Variants in BICD1 observed in about 807,000 individuals in gnomAD.
BICD1 encodes the protein BICD cargo adaptor 1.
A neutral mutation model predicts 92.5 loss-of-function variants in BICD1; 35 were observed. That is an observed-to-expected ratio of 0.38 (90% CI 0.29 to 0.50). The LOEUF is 0.50. BICD1 is among the 20% of genes least tolerant of loss of function. The pLI, the probability that BICD1 is intolerant of heterozygous loss-of-function variation, is 0.93. For missense variants in BICD1, 950 were observed against 1,189.8 expected (o/e 0.80, Z 2.97); for synonymous variants, 429 against 465.1 (o/e 0.92, Z 1.00).
intron 2 of BICD1, among the ~76,000 whole-genome samples, chr12:32,285,399 C>G (rs1037400881): frequency 2.6e-5 from 4 of 151,982 alleles, no homozygotes; most frequent in African/African-American, 9.7e-5. Context: ...ACCCACCTAA[C>G]CAAGCTATTA....
At chr12:32,114,181 A>G (rs959201574) in intron 1 of BICD1, among the ~76,000 whole-genome samples, 1 of 151,660 alleles carries the variant, frequency 6.6e-6, no homozygotes, top group African/African-American at 2.4e-5. Flanking sequence ...TAATTTTTGT[A>G]CTTTTAGTAG....
chr12:32,344,695 T>C (rs1938504433), intron 8 of BICD1, among the ~76,000 whole-genome samples: 1 of 152,244 alleles, frequency 6.6e-6, no homozygotes, highest in African/African-American at 2.4e-5. Flanking sequence ...ATGTTCTGTA[T>C]GTGGAAGGAG....
chr12:32,176,849 G>A (rs1944103213), intron 1 of BICD1, among the ~76,000 whole-genome samples: 1 of 152,016 alleles, frequency 6.6e-6, no homozygotes, highest in African/African-American at 2.4e-5. Context: ...TTCATTTGTA[G>A]TTATTAGGAA....
chr12:32,216,441 C>A lies in BICD1; in HGVS notation c.408C>A (p.Val136=). ...VQAENERLTA[V]VQDLKENNEM... ...CAGAAAACGAGAGGCTCACCGCAGT[C>A]GTGCAGGATCTGAAGGAGGTAAATA... is the stretch of plus-strand genomic sequence containing the variant. The change falls in exon 2 of 10, where the codon GTC becomes GTA. Residue 136 remains valine, a synonymous_variant. Coordinates refer to ENST00000652176, the MANE Select transcript of BICD1 (RefSeq NM_001714.4). The A allele has an allele frequency of 6.2e-7, 1 of 1,614,008 alleles. No homozygotes were observed. The highest frequency in any genetic ancestry group is 1.1e-5 in the South Asian group (1 of 91,020).
chr12:32,254,592 C>T lies in BICD1; in HGVS notation c.426+38133C>T, dbSNP rs535700508. On this transcript the variant is annotated intron_variant, in intron 2 of 9. Transcript: ENST00000652176. ...CCTGACCTTCCCCAAGATCTTTCCT[C>T]CTCTGTTCAGCATGCTGTGTCAAGA... Among the ~76,000 whole-genome samples, 128 of 152,344 alleles carry T rather than the reference C, an allele frequency of 8.4e-4. 1 individual carries two copies. The Middle Eastern group carries it at 0.014, about 16-fold the overall frequency.
rs973557273 is a variant in BICD1 at position 32,381,787 on chromosome 12, T to C, written c.*4160T>C. On this transcript the variant is annotated 3_prime_UTR_variant, in exon 10 of 10. Coordinates refer to ENST00000652176, the MANE Select transcript of BICD1 (RefSeq NM_001714.4). ...TAGGACTAAATTTGAAAGAAACTTATGGGATAAAGTTCACAATTTTAAAAA... is the reference window on the plus strand; with the variant it reads ...TAGGACTAAATTTGAAAGAAACTTACGGGATAAAGTTCACAATTTTAAAAA... 2 of 152,126 alleles carry C rather than the reference T, an allele frequency of 1.3e-5. No individual in the cohort carries two copies. The highest frequency in any genetic ancestry group is 2.9e-5 in the Non-Finnish European group (2 of 67,962). 9.4% of individuals were successfully genotyped at this position (152,126 alleles called of 1,614,324 possible). A position where few individuals can be genotyped will look rare whatever the true frequency, so the allele number is the denominator to read the frequency against.
chr12:32,123,365 A>T (rs1019106705), intron 1 of BICD1, among the ~76,000 whole-genome samples: 1 of 152,202 alleles, frequency 6.6e-6, no homozygotes, highest in Non-Finnish European at 1.5e-5. Flanking sequence ...TTTGAGCAGA[A>T]AAGTCACAAT....
At chr12:32,219,568 C>T (rs1234317522) in intron 2 of BICD1, among the ~76,000 whole-genome samples, 5 of 152,064 alleles carry the variant, frequency 3.3e-5, no homozygotes, top group Non-Finnish European at 4.4e-5. Flanking sequence ...CGATATGACT[C>T]ATTATGTAGA....
chr12:32,370,857 G>A (rs1939711552), intron 9 of BICD1, among the ~76,000 whole-genome samples: 1 of 152,124 alleles, frequency 6.6e-6, no homozygotes. Flanking sequence ...GCTGAAGAAA[G>A]CGTGGAGCGG....
chr12:32,256,753 T>C (rs1327482651), intron 2 of BICD1, among the ~76,000 whole-genome samples: 1 of 152,182 alleles, frequency 6.6e-6, no homozygotes, highest in Non-Finnish European at 1.5e-5. Flanking sequence ...CTTTGTTTTT[T>C]ATCTGTAAAA....
intron 4 of BICD1, among the ~76,000 whole-genome samples, chr12:32,321,004 G>A (rs1162628863): frequency 6.6e-6 from 1 of 152,122 alleles, no homozygotes; most frequent in African/African-American, 2.4e-5. Flanking sequence ...AAAGTGCTTT[G>A]CATGTTATTC....
rs75259793 is a variant in BICD1, at chr12:32,235,597, C to G, written c.426+19138C>G. 4.6e-3 allele frequency among the ~76,000 whole-genome samples: 697 copies of G among 151,926 alleles called. 4 individuals carry two copies. The highest frequency in any genetic ancestry group is 0.016 in the African/African-American group (669 of 41,464). ...AAATTGAAGGTTTGTGGCACCCCTA[C>G]ATTGAGCAAGTCTACTGGGACCATT... On this transcript the variant is annotated intron_variant, in intron 2 of 9. Coordinates refer to ENST00000652176, the MANE Select transcript of BICD1 (RefSeq NM_001714.4).
At chr12:32,197,071 C>T (rs12301557) in intron 1 of BICD1, among the ~76,000 whole-genome samples, 3,888 of 151,412 alleles carry the variant, frequency 0.026, 169 homozygotes, top group African/African-American at 0.089. Context: ...TGCAGTGGCA[C>T]GATCTCAGCT....
At chr12:32,268,398 A>G (rs1278068566) in intron 2 of BICD1, among the ~76,000 whole-genome samples, 1 of 144,284 alleles carries the variant, frequency 6.9e-6, no homozygotes, top group East Asian at 1.9e-4. Flanking sequence ...TCATTGGTCC[A>G]TGTTCAACTG....
chr12:32,343,663 T>C (rs1458775755), intron 8 of BICD1, among the ~76,000 whole-genome samples: 1 of 152,164 alleles, frequency 6.6e-6, no homozygotes. Flanking sequence ...TGTTCCTCCA[T>C]CCTTCCATCC....
intron 6 of BICD1, among the ~76,000 whole-genome samples, chr12:32,336,172 CTT>C (rs1041102519): frequency 6.6e-6 from 1 of 151,886 alleles, no homozygotes; most frequent in Admixed American, 6.6e-5. Flanking sequence ...TTTTCACAGA[CTT>C]TTTTTTGGCA....
chr12:32,280,790 G>A lies in BICD1; in HGVS notation c.427-13204G>A, dbSNP rs79523481. Among the ~76,000 whole-genome samples, 1,493 of 152,208 alleles carry A rather than the reference G, an allele frequency of 9.8e-3. 32 individuals are homozygous for A. The highest frequency in any genetic ancestry group is 0.034 in the African/African-American group (1,393 of 41,522). ...CTTTGTCTCACCCCTTTTTACAGCC[G>A]TCCAGCCCTATGCTTTTTATTTTAT... On this transcript the variant is annotated intron_variant, in intron 2 of 9. Transcript: ENST00000652176.
At chr12:32,347,002 A>T (rs1359106510) in intron 8 of BICD1, among the ~76,000 whole-genome samples, 3 of 144,522 alleles carry the variant, frequency 2.1e-5, no homozygotes, top group African/African-American at 7.7e-5. Context: ...CCCAGGCTGG[A>T]GTGCAATGGC....
At position 32,305,999 on chromosome 12, in the gene BICD1, GA is replaced by G; in HGVS notation, c.885del (p.Lys295AsnfsTer2). 1 of 1,614,180 alleles carries G rather than the reference GA, an allele frequency of 6.2e-7. No individual in the cohort carries two copies. The highest frequency in any genetic ancestry group is 8.5e-7 in the Non-Finnish European group (1 of 1,180,028). On this transcript the variant is annotated frameshift_variant, in exon 4 of 10. Transcript: ENST00000652176. LOFTEE classifies it high-confidence loss of function. ...MNGHIHGPLV[K>X]LNGDYRTPTL... ...ACGGTCATATCCATGGGCCTCTTGTGAAACTGAATGGAGACTATCGGACTCC... is the reference window on the plus strand; with the variant it reads ...ACGGTCATATCCATGGGCCTCTTGTGAACTGAATGGAGACTATCGGACTCC...
Sources: allele counts gnomAD v4.1 joint callset (sites outside exome capture counted in the v4.1 genomes callset), GRCh38; gene constraint gnomAD v4.1.1; transcripts MANE v1.5; gene names NCBI Gene and HGNC (gene_info 2026-07-23, HGNC 2026-07-21).